The following NCKAP5 variants were observed in gnomAD, a reference collection of about 807,000 sequenced individuals.
The protein encoded by NCKAP5 is nck-associated protein 5.
NCKAP5 carries 92 observed loss-of-function variants against 167.0 expected under a neutral mutation model. The observed-to-expected ratio is 0.55, with a 90% CI of 0.47 to 0.66. The LOEUF (loss-of-function observed/expected upper bound fraction) is 0.66. Ranked by LOEUF, NCKAP5 falls within the 30% of genes least tolerant of loss-of-function variation. NCKAP5 has a pLI of 0.00. For missense variants in NCKAP5, 2,378 were observed against 2,315.0 expected, an observed-to-expected ratio of 1.03 and a Z score of -0.56; for synonymous variants, 891 against 877.4, an observed-to-expected ratio of 1.02 and a Z score of -0.27.
intron 8 of NCKAP5, chr2:132,926,201 T>C (rs989438605): frequency 5.0e-6 from 2 of 401,024 alleles, no homozygotes; most frequent in African/African-American, 4.1e-5. Flanking sequence ...GTTCCATCCA[T>C]GTTTCTGCAA....
chr2:132,957,374 T>C (rs577976948), intron 8 of NCKAP5, among the ~76,000 whole-genome samples: 12 of 152,290 alleles, frequency 7.9e-5, no homozygotes, highest in African/African-American at 2.9e-4. Flanking sequence ...TCTGGCTATT[T>C]CTTACTAGCA....
intron 7 of NCKAP5, among the ~76,000 whole-genome samples, chr2:132,974,091 A>G (rs2076909405): frequency 6.6e-6 from 1 of 152,178 alleles, no homozygotes; most frequent in South Asian, 2.1e-4. Flanking sequence ...TTATTTTCTG[A>G]TGGGGACTAT....
intron 6 of NCKAP5, among the ~76,000 whole-genome samples, chr2:133,107,276 G>T (rs1373053428): frequency 6.6e-6 from 1 of 152,148 alleles, no homozygotes; most frequent in African/African-American, 2.4e-5. Flanking sequence ...CTCCAACAGG[G>T]TCTGTGGGTC....
At chr2:133,483,376 G>C (rs1485328593) in intron 3 of NCKAP5, among the ~76,000 whole-genome samples, 1 of 152,072 alleles carries the variant, frequency 6.6e-6, no homozygotes, top group African/African-American at 2.4e-5. Context: ...AAACAAAGTT[G>C]AGACTCCTTG....
At chr2:133,455,231 T>C (rs941129278) in intron 3 of NCKAP5, among the ~76,000 whole-genome samples, 8 of 152,146 alleles carry the variant, frequency 5.3e-5, no homozygotes, top group African/African-American at 1.9e-4. Context: ...ATCTATTTTT[T>C]GTAAAGCCTA....
At chr2:133,064,059 T>C (rs772151823) in intron 6 of NCKAP5, among the ~76,000 whole-genome samples, 37 of 152,100 alleles carry the variant, frequency 2.4e-4, no homozygotes, top group Non-Finnish European at 4.3e-4. Context: ...CTAGTCAAGA[T>C]TGCTATTTGA....
the NCKAP5 span, among the ~76,000 whole-genome samples, chr2:133,668,842 A>G: frequency 3.4e-4 from 51 of 152,208 alleles, 2 homozygotes; most frequent in African/African-American, 1.2e-3. Flanking sequence ...AAACTCTCAT[A>G]ATGCGTATAC....
chr2:133,065,099 A>G (rs905664593), intron 6 of NCKAP5, among the ~76,000 whole-genome samples: 47 of 152,330 alleles, frequency 3.1e-4, no homozygotes, highest in African/African-American at 1.0e-3. Context: ...AAGTTAGTAG[A>G]ATAATCTCCT....
intron 4 of NCKAP5, among the ~76,000 whole-genome samples, chr2:133,245,029 G>A (rs533643904): frequency 5.1e-4 from 78 of 152,234 alleles, no homozygotes; most frequent in Middle Eastern, 3.4e-3. Flanking sequence ...AAAATACCAA[G>A]TGTCTGTAGG....
chr2:133,444,252 G>A (rs1382901064), intron 3 of NCKAP5, among the ~76,000 whole-genome samples: 1 of 152,216 alleles, frequency 6.6e-6, no homozygotes, highest in South Asian at 2.1e-4. Context: ...GACTCACAGC[G>A]TCTTAGGGCT....
At chr2:132,917,251 A>T (rs1008948649) in intron 8 of NCKAP5, among the ~76,000 whole-genome samples, 9 of 152,188 alleles carry the variant, frequency 5.9e-5, no homozygotes, top group South Asian at 2.1e-4. Flanking sequence ...AAAATGACTT[A>T]AAATAATTTT....
chr2:133,228,658 T>C (rs2087004477), intron 4 of NCKAP5, among the ~76,000 whole-genome samples: 1 of 152,174 alleles, frequency 6.6e-6, no homozygotes, highest in Non-Finnish European at 1.5e-5. Flanking sequence ...TGTATAATAT[T>C]AGAGCCAGAG....
chr2:133,421,465 C>T (rs992091634), intron 3 of NCKAP5, among the ~76,000 whole-genome samples: 6 of 152,216 alleles, frequency 3.9e-5, no homozygotes, highest in Admixed American at 3.9e-4. Context: ...AAGCACAGAT[C>T]ATTAGGGAGC....
intron 5 of NCKAP5, among the ~76,000 whole-genome samples, chr2:133,152,995 C>T (rs932673141): frequency 6.6e-6 from 1 of 152,098 alleles, no homozygotes; most frequent in Non-Finnish European, 1.5e-5. Context: ...CAAACAATGA[C>T]AAAATTGCCT....
intron 5 of NCKAP5, among the ~76,000 whole-genome samples, chr2:133,153,869 T>C (rs1448778282): frequency 6.8e-6 from 1 of 146,590 alleles, no homozygotes; most frequent in East Asian, 2.0e-4. Context: ...GGAGTTTTGC[T>C]CTTTGGTCCA....
At chr2:132,703,117 A>T (rs1228799145) in intron 19 of NCKAP5, among the ~76,000 whole-genome samples, 1 of 152,086 alleles carries the variant, frequency 6.6e-6, no homozygotes, top group East Asian at 1.9e-4. Context: ...GGAATTTGAG[A>T]TTACAGTGAG....
At chr2:132,788,780 ATAAT>A (rs1683806696) in intron 13 of NCKAP5, among the ~76,000 whole-genome samples, 1 of 152,232 alleles carries the variant, frequency 6.6e-6, no homozygotes, top group African/African-American at 2.4e-5. Flanking sequence ...TAATTGTTAT[ATAAT>A]TAATATTCAA....
At chr2:132,870,089 G>C (rs971661158) in intron 9 of NCKAP5, among the ~76,000 whole-genome samples, 1 of 152,182 alleles carries the variant, frequency 6.6e-6, no homozygotes, top group African/African-American at 2.4e-5. Flanking sequence ...TGGTTTAGGA[G>C]TGGGCATATA....
intron 3 of NCKAP5, among the ~76,000 whole-genome samples, chr2:133,486,701 AT>A (rs1218023246): frequency 1.6e-4 from 25 of 152,010 alleles, no homozygotes; most frequent in Non-Finnish European, 2.8e-4. Context: ...GTCTACAAAT[AT>A]TTTTTTTCTC....
Sources: allele counts gnomAD v4.1 joint callset (sites outside exome capture counted in the v4.1 genomes callset), GRCh38; gene constraint gnomAD v4.1.1; transcripts MANE v1.5; gene names NCBI Gene and HGNC (gene_info 2026-07-23, HGNC 2026-07-21).